Variants in ISLR2 observed in about 807,000 individuals in gnomAD.
ISLR2 encodes immunoglobulin superfamily containing leucine-rich repeat protein 2.
In ISLR2, 16 loss-of-function variants were observed where a neutral mutation model predicts 25.5. That is an observed-to-expected ratio of 0.63 (90% CI 0.43 to 0.95). ISLR2 has a LOEUF of 0.95. Ranked by LOEUF, ISLR2 falls within the 40% of genes least tolerant of loss-of-function variation. The pLI, the probability that ISLR2 is intolerant of heterozygous loss-of-function variation, is 0.00. For missense variants in ISLR2, 883 were observed against 1,030.7 expected (o/e 0.86, Z 1.96); for synonymous variants, 508 against 486.6 (o/e 1.04, Z -0.58).
At chr15:74,109,738 T>A (rs773931506) in intron 2 of ISLR2, among the ~76,000 whole-genome samples, 10 of 152,186 alleles carry the variant, frequency 6.6e-5, no homozygotes, top group Non-Finnish European at 1.2e-4. Flanking sequence ...GTCATGGGGA[T>A]GCTGATGCTG....
At chr15:74,137,492 T>G (rs1376938178), downstream of ISLR2, among the ~76,000 whole-genome samples, 1 of 152,084 alleles carries the variant, frequency 6.6e-6, no homozygotes, top group African/African-American at 2.4e-5. Flanking sequence ...GGGGTGCACC[T>G]GGGGAATCAG....
At chr15:74,122,399 C>G (rs1055253974) in intron 2 of ISLR2, among the ~76,000 whole-genome samples, 2 of 152,354 alleles carry the variant, frequency 1.3e-5, no homozygotes, top group African/African-American at 4.8e-5. Context: ...GAGTCCCATC[C>G]CCCAGGGGCA....
chr15:74,104,239 C>G (rs1332106852), intron 2 of ISLR2, among the ~76,000 whole-genome samples: 4 of 152,164 alleles, frequency 2.6e-5, no homozygotes, highest in African/African-American at 9.7e-5. Context: ...CTTTGGCTGT[C>G]ACACTGAGGA....
upstream of ISLR2, among the ~76,000 whole-genome samples, chr15:74,124,458 T>G (rs2141939622): frequency 6.6e-6 from 1 of 152,272 alleles, no homozygotes. Context: ...CCCACTAGTC[T>G]GTTAACATTA....
chr15:74,123,298 G>A (rs1269682602), upstream of ISLR2, among the ~76,000 whole-genome samples: 1 of 151,950 alleles, frequency 6.6e-6, no homozygotes, highest in East Asian at 1.9e-4. Flanking sequence ...CCATGAGGAA[G>A]AGAGGAAGCC....
upstream of ISLR2, among the ~76,000 whole-genome samples, chr15:74,124,990 T>C (rs930469695): frequency 2.6e-5 from 4 of 152,178 alleles, no homozygotes; most frequent in African/African-American, 9.7e-5. Context: ...CTTAATACTT[T>C]CCATCCTTGG....
downstream of ISLR2, chr15:74,138,466 A>T (rs2072592584): frequency 6.6e-6 from 1 of 152,522 alleles, no homozygotes; most frequent in Admixed American, 6.5e-5. Flanking sequence ...AGCTGTGGAG[A>T]AGTCCTTGGA....
At chr15:74,141,731 T>C (rs1408025720), downstream of ISLR2, among the ~76,000 whole-genome samples, 2 of 152,210 alleles carry the variant, frequency 1.3e-5, no homozygotes, top group African/African-American at 2.4e-5. Flanking sequence ...TAGTAGTTTG[T>C]TGAAGATCAC....
chr15:74,118,160 T>G (rs2072225389), intron 2 of ISLR2, among the ~76,000 whole-genome samples: 1 of 152,074 alleles, frequency 6.6e-6, no homozygotes, highest in Admixed American at 6.6e-5. Flanking sequence ...AGAGAGAAAT[T>G]TTAAAGCTGG....
intron 2 of ISLR2, among the ~76,000 whole-genome samples, chr15:74,117,599 C>T (rs1195465756): frequency 6.6e-6 from 1 of 152,122 alleles, no homozygotes; most frequent in East Asian, 1.9e-4. Flanking sequence ...GGAAAGATTG[C>T]TTGAGCCCAG....
upstream of ISLR2, among the ~76,000 whole-genome samples, chr15:74,124,056 CAG>C (rs1489250095): frequency 6.6e-6 from 1 of 151,614 alleles, no homozygotes; most frequent in Admixed American, 6.6e-5. Flanking sequence ...GTATGCCTAC[CAG>C]AGTTTCCTGA....
At chr15:74,108,423 G>T (rs375860283) in intron 2 of ISLR2, among the ~76,000 whole-genome samples, 1 of 152,090 alleles carries the variant, frequency 6.6e-6, no homozygotes, top group Non-Finnish European at 1.5e-5. Flanking sequence ...GATACCCTGG[G>T]GGATTCCAGG....
chr15:74,126,157 A>C (rs1190517870), upstream of ISLR2: 1 of 152,142 alleles, frequency 6.6e-6, no homozygotes, highest in Non-Finnish European at 1.5e-5. Flanking sequence ...GAGGCAGGAC[A>C]CAAGCCTGTA....
At chr15:74,110,973 A>G (rs774030964) in intron 2 of ISLR2, among the ~76,000 whole-genome samples, 1 of 151,666 alleles carries the variant, frequency 6.6e-6, no homozygotes, top group East Asian at 2.0e-4. Context: ...TTCAAAAACA[A>G]CACAAAAACA....
At chr15:74,138,338 G>C (rs2072591414), downstream of ISLR2, 1 of 144,828 alleles carries the variant, frequency 6.9e-6, no homozygotes, top group Non-Finnish European at 1.5e-5. Context: ...ATGTGAATGG[G>C]AGACTGGTAT....
At chr15:74,137,418 G>T (rs962267000), downstream of ISLR2, among the ~76,000 whole-genome samples, 1 of 152,230 alleles carries the variant, frequency 6.6e-6, no homozygotes, top group Non-Finnish European at 1.5e-5. Context: ...AAGTGTGTGC[G>T]TTGTGTGGGT....
chr15:74,133,915 A>G lies in ISLR2; in HGVS notation c.1161A>G (p.Glu387=). 1 of 1,603,914 alleles carries G rather than the reference A, an allele frequency of 6.2e-7. No individual in the cohort carries two copies. The highest frequency in any genetic ancestry group is 8.5e-7 in the Non-Finnish European group (1 of 1,175,466). Residue 387 remains glutamate, a synonymous_variant, in exon 3 of 3, where the codon GAA becomes GAG. Coordinates refer to ENST00000453268, the MANE Select transcript of ISLR2 (RefSeq NM_020851.3). ...PPKHAPGAGG[E]PDGQAPTSER... The stretch of plus-strand genomic sequence containing the variant: ...AACACGCGCCTGGCGCCGGGGGAGA[A>G]CCCGACGGACAGGCCCCGACCTCTG...
chr15:74,122,875 G>A (rs1310699171), intron 2 of ISLR2, among the ~76,000 whole-genome samples: 2 of 152,096 alleles, frequency 1.3e-5, no homozygotes, highest in African/African-American at 4.8e-5. Flanking sequence ...GGAGACTCTG[G>A]GCCAGCCCTC....
chr15:74,128,383 C>A (rs1296846181), upstream of ISLR2: 1 of 441,874 alleles, frequency 2.3e-6, no homozygotes, highest in Admixed American at 2.7e-5. Context: ...AGCCTCCGGG[C>A]CCGCGGGAGT....
Sources: allele counts gnomAD v4.1 joint callset (sites outside exome capture counted in the v4.1 genomes callset), GRCh38; gene constraint gnomAD v4.1.1; transcripts MANE v1.5; gene names NCBI Gene and HGNC (gene_info 2026-07-23, HGNC 2026-07-21).